BORCS5: variants seen among roughly 807,000 people sequenced by gnomAD.
The protein encoded by BORCS5 is BLOC-1 related complex subunit 5, also known as BLOC-1-related complex subunit 5.
In BORCS5, 17 loss-of-function variants were observed where a neutral mutation model predicts 22.1. That is an observed-to-expected ratio of 0.77 (90% CI 0.53 to 1.15). The LOEUF is 1.15. Ranked by LOEUF, BORCS5 falls within the 50% of genes most tolerant of loss-of-function variation. The probability of loss-of-function intolerance (pLI) is 0.00; values close to 1 mark genes in which losing one functional copy is unlikely to be tolerated. For missense variants in BORCS5, 247 were observed against 253.2 expected (o/e 0.98, Z 0.17); for synonymous variants, 117 against 99.8 (o/e 1.17, Z -1.03).
At chr12:12,425,940 C>T (rs962110911) in intron 2 of BORCS5, among the ~76,000 whole-genome samples, 7 of 152,182 alleles carry the variant, frequency 4.6e-5, no homozygotes, top group Non-Finnish European at 8.8e-5. Context: ...GAAATTAACA[C>T]GAATTGTGTG....
chr12:12,389,135 C>CTTTTTTT (rs10630444), intron 2 of BORCS5, among the ~76,000 whole-genome samples: 1 of 117,878 alleles, frequency 8.5e-6, no homozygotes, highest in Admixed American at 9.2e-5. Context: ...CAAGTAAGTA[C>CTTTTTTT]TTTTTTTTTT....
chr12:12,462,102 C>G (rs1943116225), intron 3 of BORCS5, among the ~76,000 whole-genome samples: 1 of 152,202 alleles, frequency 6.6e-6, no homozygotes, highest in African/African-American at 2.4e-5. Context: ...ATCCTAGGAC[C>G]TCGCATAGTG....
chr12:12,445,174 A>AC (rs1942758222), intron 3 of BORCS5, among the ~76,000 whole-genome samples: 1 of 151,628 alleles, frequency 6.6e-6, no homozygotes, highest in South Asian at 2.1e-4. Flanking sequence ...CTCTCAAGTA[A>AC]CCAGGACTAC....
chr12:12,372,300 A>G (rs1461757653), intron 2 of BORCS5, among the ~76,000 whole-genome samples: 1 of 151,938 alleles, frequency 6.6e-6, no homozygotes, highest in Non-Finnish European at 1.5e-5. Context: ...TCGGCTTCCT[A>G]AAGTGCTGGG....
intron 2 of BORCS5, among the ~76,000 whole-genome samples, chr12:12,431,516 C>T (rs1277587679): frequency 6.6e-6 from 1 of 151,438 alleles, no homozygotes; most frequent in Admixed American, 6.6e-5. Context: ...ATTCTCCTGC[C>T]TCAGCCTCCT....
intron 2 of BORCS5, among the ~76,000 whole-genome samples, chr12:12,397,977 C>T (rs530410627): frequency 6.6e-6 from 1 of 152,222 alleles, no homozygotes; most frequent in Non-Finnish European, 1.5e-5. Flanking sequence ...TTAAAATTAT[C>T]GTTATCTTGT....
rs77200929 is a variant in BORCS5, at chr12:12,464,615, G to T, written c.361-931G>T. On this transcript the variant is annotated intron_variant, in intron 3 of 3. Coordinates refer to ENST00000314565, the MANE Select transcript of BORCS5 (RefSeq NM_058169.6). ...GCCTGGGAAAGAAACAAGGGGTGAG[G>T]GGGTGGAAGTGGGGTCCATGCTGAG... 1.8e-4 allele frequency among the ~76,000 whole-genome samples: 27 copies of T among 152,232 alleles called. No individual in the cohort carries two copies. In the East Asian group the frequency reaches 5.0e-3, roughly 28 times the overall value.
intron 3 of BORCS5, among the ~76,000 whole-genome samples, chr12:12,441,366 T>G (rs1275569843): frequency 1.3e-5 from 2 of 152,216 alleles, no homozygotes; most frequent in Non-Finnish European, 2.9e-5. Context: ...TGGCTCCATC[T>G]CTGACTACCT....
chr12:12,469,311 G>GT lies in BORCS5; in HGVS notation c.*3536dup, dbSNP rs1393524613. 6.6e-6 allele frequency: 1 copy of GT among 152,290 alleles called. No homozygotes were observed. The highest frequency in any genetic ancestry group is 1.5e-5 in the Non-Finnish European group (1 of 68,068). The allele number at this position is 152,290 out of a possible 1,614,324, so 9.4% of individuals were successfully genotyped here. On this transcript the variant is annotated 3_prime_UTR_variant, in exon 4 of 4. Coordinates refer to ENST00000314565, the MANE Select transcript of BORCS5 (RefSeq NM_058169.6). ...GCGGAGGTTGCAGTGAGCCAAGTTCGTGCCATTGCACTCTGGCCTGGGTAA... is the reference window on the plus strand; with the variant it reads ...GCGGAGGTTGCAGTGAGCCAAGTTCGTTGCCATTGCACTCTGGCCTGGGTAA...
chr12:12,412,951 C>A (rs1315085248), intron 2 of BORCS5, among the ~76,000 whole-genome samples: 1 of 109,914 alleles, frequency 9.1e-6, no homozygotes. Context: ...GTGTTTCTCA[C>A]AGAGGGGGAT....
intron 2 of BORCS5, among the ~76,000 whole-genome samples, chr12:12,411,400 G>A (rs1418625739): frequency 2.0e-5 from 3 of 152,118 alleles, no homozygotes; most frequent in Non-Finnish European, 4.4e-5. Context: ...TTGGAGAAAT[G>A]TCGGTTCAAG....
At chr12:12,423,103 G>A (rs1028189197) in intron 2 of BORCS5, among the ~76,000 whole-genome samples, 4 of 151,794 alleles carry the variant, frequency 2.6e-5, no homozygotes, top group East Asian at 1.9e-4. Flanking sequence ...CCGGCTTCAC[G>A]CCATTCTCCT....
intron 2 of BORCS5, among the ~76,000 whole-genome samples, chr12:12,398,533 A>C (rs1941400677): frequency 6.6e-6 from 1 of 152,226 alleles, no homozygotes; most frequent in South Asian, 2.1e-4. Context: ...CGTTGTGTGC[A>C]GATCCCTGCG....
chr12:12,418,680 C>G (rs1942036414), intron 2 of BORCS5, among the ~76,000 whole-genome samples: 1 of 152,154 alleles, frequency 6.6e-6, no homozygotes, highest in South Asian at 2.1e-4. Context: ...GCGTGAGACT[C>G]TCTTTCAGTA....
At chr12:12,370,323 G>A (rs1323993322) in intron 2 of BORCS5, among the ~76,000 whole-genome samples, 2 of 151,920 alleles carry the variant, frequency 1.3e-5, no homozygotes, top group Non-Finnish European at 2.9e-5. Flanking sequence ...CAGGTCAGCT[G>A]GAAAAAAGTC....
chr12:12,427,359 T>C (rs1207170782), intron 2 of BORCS5, among the ~76,000 whole-genome samples: 2 of 151,914 alleles, frequency 1.3e-5, no homozygotes, highest in African/African-American at 4.8e-5. Flanking sequence ...TTTTTGTATT[T>C]TTACTAGAGA....
At chr12:12,459,989 T>A (rs1943073509) in intron 3 of BORCS5, among the ~76,000 whole-genome samples, 1 of 152,216 alleles carries the variant, frequency 6.6e-6, no homozygotes, top group African/African-American at 2.4e-5. Context: ...CAAACTTTGT[T>A]CTTTCAATTA....
intron 2 of BORCS5, among the ~76,000 whole-genome samples, chr12:12,434,200 T>C (rs181524464): frequency 4.0e-5 from 6 of 150,058 alleles, no homozygotes; most frequent in Non-Finnish European, 8.9e-5. Context: ...GGAAGATTGC[T>C]TGGGTCCAGG....
chr12:12,450,509 TA>T (rs1592137156), intron 3 of BORCS5, among the ~76,000 whole-genome samples: 1 of 152,238 alleles, frequency 6.6e-6, no homozygotes, highest in East Asian at 1.9e-4. Flanking sequence ...GGTAATTTAT[TA>T]TTTTTTTTAT....
Sources: allele counts gnomAD v4.1 joint callset (sites outside exome capture counted in the v4.1 genomes callset), GRCh38; gene constraint gnomAD v4.1.1; transcripts MANE v1.5; gene names NCBI Gene and HGNC (gene_info 2026-07-23, HGNC 2026-07-21).